Variants in FGFR1 observed in about 807,000 individuals in gnomAD.
FGFR1 encodes fibroblast growth factor receptor 1, also known as FGFR1/PLAG1 fusion.
FGFR1 carries 18 observed loss-of-function variants against 93.7 expected under a neutral mutation model. That is an observed-to-expected ratio of 0.19 (90% CI 0.13 to 0.28). The LOEUF is 0.28. Ranked by LOEUF, FGFR1 falls within the 10% of genes least tolerant of loss-of-function variation. The pLI, the probability that FGFR1 is intolerant of heterozygous loss-of-function variation, is 1.00. For missense variants in FGFR1, 731 were observed against 1,080.4 expected (o/e 0.68, Z 4.53); for synonymous variants, 448 against 429.3 (o/e 1.04, Z -0.54).
chr8:38,436,431 A>C (rs559553072), intron 2 of FGFR1, among the ~76,000 whole-genome samples: 1 of 152,198 alleles, frequency 6.6e-6, no homozygotes, highest in South Asian at 2.1e-4. Context: ...ATGCCAATAG[A>C]ATGGAGTCAC....
chr8:38,456,434 C>T (rs1832870172), intron 2 of FGFR1, among the ~76,000 whole-genome samples: 1 of 152,130 alleles, frequency 6.6e-6, no homozygotes, highest in Non-Finnish European at 1.5e-5. Context: ...TCTCCATGCC[C>T]CTTTATGCTT....
At chr8:38,466,272 C>T in intron 1 of FGFR1, 1 of 232,502 alleles carries the variant, frequency 4.3e-6, no homozygotes, top group Non-Finnish European at 8.5e-6. Flanking sequence ...GCGCGTGACG[C>T]CACCGCGGGG....
intron 8 of FGFR1, among the ~76,000 whole-genome samples, chr8:38,420,569 G>A (rs1042667937): frequency 6.6e-6 from 1 of 152,062 alleles, no homozygotes; most frequent in Non-Finnish European, 1.5e-5. Context: ...CATTGCCACA[G>A]CAGCTAAGCC....
Position 38,428,430 on chromosome 8 carries a change from G to A in FGFR1, c.364C>T (p.Leu122Phe), listed in dbSNP as rs2150933169. Residue 122 changes from leucine (L) to phenylalanine (F), a missense_variant, in exon 4 of 18, where the codon CTC becomes TTC. Leu to Phe is a conservative substitution (Grantham distance 22). This residue lies in a region of FGFR1 where 212 missense variants were observed against 205.8 expected (regional missense o/e 1.03). Coordinates refer to ENST00000447712, the MANE Select transcript of FGFR1 (RefSeq NM_023110.3). ...TCATCATCATCCTCCGAGGAGGGGA[G>A]AGCATCTATGGGAAGAAGAAGGGGC... ...TYFSVNVSDALPSSEDDDDDD... is the reference protein window; with the variant it reads ...TYFSVNVSDAFPSSEDDDDDD... 1 of 1,611,952 alleles carries A rather than the reference G, an allele frequency of 6.2e-7. No homozygotes were observed. Among genetic ancestry groups the A allele is most frequent in the Non-Finnish European group, 8.5e-7 (1 of 1,179,152 alleles).
chr8:38,467,654 G>T (rs17175701), intron 1 of FGFR1: 3 of 234,134 alleles, frequency 1.3e-5, no homozygotes, highest in Non-Finnish European at 2.5e-5. Context: ...CCCCGGGCCT[G>T]TCCCTCCCGG....
At chr8:38,443,149 T>C (rs1024007908) in intron 2 of FGFR1, among the ~76,000 whole-genome samples, 1 of 151,708 alleles carries the variant, frequency 6.6e-6, no homozygotes, top group Non-Finnish European at 1.5e-5. Context: ...GAAGGTGAAA[T>C]GGATGGTGGT....
intron 7 of FGFR1, 88 bp from the exon 8 acceptor site, chr8:38,422,029 G>T (rs1818995397): frequency 6.9e-7 from 1 of 1,454,710 alleles, no homozygotes; most frequent in African/African-American, 1.4e-5. Context: ...CAGAAAGAAG[G>T]GGGACTAGAG....
Position 38,426,337 on chromosome 8 carries a change from T to C in FGFR1, c.622-92A>G, listed in dbSNP as rs1461270453. The C allele has an allele frequency of 6.4e-7, 1 of 1,570,068 alleles. No homozygotes were observed. Among genetic ancestry groups the C allele is most frequent in the Non-Finnish European group, 8.7e-7 (1 of 1,150,740 alleles). On this transcript the variant is annotated intron_variant, in intron 5 of 17. Transcript: ENST00000447712. The surrounding 1 kb of genome is among the most constrained non-coding windows in gnomAD (Gnocchi z 4.1). ...GGCACCCCGTGGCACCTGCCCTCCA[T>C]ATCAGAGCCTGGTGGCACAGGGCCC... is the stretch of plus-strand genomic sequence containing the variant.
chr8:38,418,013 G>A (rs2150660083), intron 10 of FGFR1, 22 bp from the exon 11 acceptor site: 2 of 1,614,106 alleles, frequency 1.2e-6, no homozygotes, highest in Non-Finnish European at 1.7e-6. Context: ...AACAGAGAGT[G>A]GCATAAGTTG....
At chr8:38,463,625 G>T (rs1834900289) in intron 1 of FGFR1, among the ~76,000 whole-genome samples, 1 of 152,076 alleles carries the variant, frequency 6.6e-6, no homozygotes, top group Non-Finnish European at 1.5e-5. Flanking sequence ...GAAAAAAAAG[G>T]GCTGATGAAA....
intron 2 of FGFR1, chr8:38,434,573 A>G (rs1332678671): frequency 1.9e-5 from 5 of 270,170 alleles, no homozygotes; most frequent in Non-Finnish European, 3.7e-5. Context: ...AAGTCTTGGC[A>G]GGCATTCAAA....
chr8:38,416,371 G>C (rs1361079497), intron 12 of FGFR1, among the ~76,000 whole-genome samples: 1 of 151,296 alleles, frequency 6.6e-6, no homozygotes, highest in Non-Finnish European at 1.5e-5. Context: ...TGCAACCTCT[G>C]CCTTCTGGAT....
Position 38,424,255 on chromosome 8 carries a change from G to T in FGFR1, c.936+254C>A, listed in dbSNP as rs1008241749. On this transcript the variant is annotated intron_variant, in intron 7 of 17. Coordinates refer to ENST00000447712, the MANE Select transcript of FGFR1 (RefSeq NM_023110.3). The surrounding 1 kb of genome is among the most constrained non-coding windows in gnomAD (Gnocchi z 4.3). ...CTGACCCCAAAGCCCCAGTGACGTT[G>T]CTCTCAAAGCTTATTACAGACCAGC... 3.1e-6 allele frequency: 2 copies of T among 649,198 alleles called. No individual in the cohort carries two copies. Among genetic ancestry groups the T allele is most frequent in the Middle Eastern group, 2.5e-4 (1 of 4,016 alleles). 40.2% of individuals were successfully genotyped at this position (649,198 alleles called of 1,614,324 possible). A position where few individuals can be genotyped will look rare whatever the true frequency, so the allele number is the denominator to read the frequency against.
At chr8:38,462,902 CTTTTTTT>C (rs11364295) in intron 1 of FGFR1, among the ~76,000 whole-genome samples, 5 of 114,832 alleles carry the variant, frequency 4.4e-5, no homozygotes, top group Non-Finnish European at 7.1e-5. Context: ...CTGTGCCTGG[CTTTTTTT>C]TTTTTTTTTT....
chr8:38,461,273 G>A, intron 1 of FGFR1: 4 of 688,678 alleles, frequency 5.8e-6, no homozygotes, highest in Non-Finnish European at 7.1e-6. Context: ...AAAAACCTAT[G>A]AATGTCAGAT....
chr8:38,455,266 C>G (rs1832477214), intron 2 of FGFR1, among the ~76,000 whole-genome samples: 1 of 152,034 alleles, frequency 6.6e-6, no homozygotes, highest in Non-Finnish European at 1.5e-5. Context: ...ATAATCCACG[C>G]CTGGCCTAAG....
chr8:38,412,580 G>A lies in FGFR1; in HGVS notation c.*1048C>T, dbSNP rs1814728312. The A allele has an allele frequency of 4.3e-6, 1 of 233,440 alleles. No homozygotes were observed. The highest frequency in any genetic ancestry group is 2.2e-5 in the African/African-American group (1 of 45,330). The allele number at this position is 233,440 out of a possible 1,614,324, so 14.5% of individuals were successfully genotyped here. Reference sequence around the variant, plus strand: ...CGGAGAGGCAGGAGGTGCGTCGTGAGGTCTGGGTGCAGGACCTAGGAAGAA... The same window carrying A: ...CGGAGAGGCAGGAGGTGCGTCGTGAAGTCTGGGTGCAGGACCTAGGAAGAA... On this transcript the variant is annotated 3_prime_UTR_variant, in exon 18 of 18. Coordinates refer to ENST00000447712, the MANE Select transcript of FGFR1 (RefSeq NM_023110.3).
chr8:38,440,406 A>C, intron 2 of FGFR1: 2 of 1,545,048 alleles, frequency 1.3e-6, no homozygotes, highest in Non-Finnish European at 1.7e-6. Flanking sequence ...AGCCCCAAAA[A>C]TGTGTTTCTC....
intron 2 of FGFR1, among the ~76,000 whole-genome samples, chr8:38,437,225 C>A (rs188529804): frequency 6.6e-6 from 1 of 152,220 alleles, no homozygotes; most frequent in African/African-American, 2.4e-5. Flanking sequence ...ATTCTTATGA[C>A]AAGATGAGAC....
Sources: gnomAD v4.1 joint callset for allele counts (sites outside exome capture counted in the v4.1 genomes callset) on GRCh38, gnomAD v4.1.1 for gene constraint, gnomAD v4.1.1 regional missense constraint, Gnocchi (gnomAD v3.1) non-coding constraint, MANE v1.5 for transcripts, NCBI Gene and HGNC (gene_info 2026-07-23, HGNC 2026-07-21) for gene names.